Variants in TAFA4 observed in about 807,000 individuals in gnomAD.
The protein encoded by TAFA4 is chemokine-like protein TAFA-4.
A neutral mutation model predicts 21.1 loss-of-function variants in TAFA4; 20 were observed. The observed-to-expected ratio is 0.95, with a 90% confidence interval of 0.67 to 1.38. The LOEUF is 1.38. Ranked by LOEUF, TAFA4 falls within the 40% of genes most tolerant of loss-of-function variation. The pLI, the probability that TAFA4 is intolerant of heterozygous loss-of-function variation, is 0.00. For synonymous variants in TAFA4, 71 were observed against 67.4 expected (o/e 1.05, Z -0.26); for missense variants, 211 against 180.9 (o/e 1.17, Z -0.95).
intron 1 of TAFA4, among the ~76,000 whole-genome samples, chr3:68,902,063 T>C (rs1037451043): frequency 1.3e-5 from 2 of 152,208 alleles, no homozygotes; most frequent in South Asian, 2.1e-4. Flanking sequence ...ATATAAGAAC[T>C]CTGCTGTAAG....
chr3:68,775,003 T>C (rs1703023768), intron 3 of TAFA4, among the ~76,000 whole-genome samples: 1 of 152,208 alleles, frequency 6.6e-6, no homozygotes, highest in South Asian at 2.1e-4. Flanking sequence ...ATCTTAACTA[T>C]CTTTAGACCC....
At chr3:68,825,039 T>A (rs1704196777) in intron 3 of TAFA4, among the ~76,000 whole-genome samples, 1 of 152,206 alleles carries the variant, frequency 6.6e-6, no homozygotes, top group South Asian at 2.1e-4. Flanking sequence ...TAGGTAAACA[T>A]GTGCCATGGT....
chr3:68,865,386 G>A (rs2089402716), intron 3 of TAFA4, among the ~76,000 whole-genome samples: 1 of 151,922 alleles, frequency 6.6e-6, no homozygotes, highest in African/African-American at 2.4e-5. Context: ...GTCATGGGGA[G>A]GACCTGATGG....
At chr3:68,764,323 C>T (rs1014354915) in intron 3 of TAFA4, among the ~76,000 whole-genome samples, 1 of 152,090 alleles carries the variant, frequency 6.6e-6, no homozygotes, top group Non-Finnish European at 1.5e-5. Context: ...AACTGAATTG[C>T]CAGAGGTCCA....
intron 3 of TAFA4, among the ~76,000 whole-genome samples, chr3:68,795,178 C>T (rs1703432285): frequency 6.6e-6 from 1 of 151,438 alleles, no homozygotes; most frequent in South Asian, 2.1e-4. Context: ...AGGAAAGACT[C>T]AAAGAGGTGA....
chr3:68,739,549 T>G (rs1405920253), intron 4 of TAFA4, among the ~76,000 whole-genome samples: 1 of 152,098 alleles, frequency 6.6e-6, no homozygotes, highest in Non-Finnish European at 1.5e-5. Flanking sequence ...AAAGAGACTG[T>G]TATATCAAAA....
intron 3 of TAFA4, among the ~76,000 whole-genome samples, chr3:68,806,009 T>A (rs1295558053): frequency 6.6e-6 from 1 of 151,766 alleles, no homozygotes; most frequent in African/African-American, 2.4e-5. Context: ...AAAATTAAAA[T>A]AAAAAAATAA....
At position 68,809,445 on chromosome 3, in the gene TAFA4, A is replaced by AT. The variant is rs541006171; in HGVS notation, c.131-56428dup. On this transcript the variant is annotated intron_variant, in intron 3 of 5. Coordinates refer to ENST00000295569, the MANE Select transcript of TAFA4 (RefSeq NM_182522.5). Reference sequence around the variant, plus strand: ...TGGTTGCCAATATGATTTGTTTGTGATTTTTTTTAGTTTTGAAATATGCAA... The same window carrying AT: ...TGGTTGCCAATATGATTTGTTTGTGATTTTTTTTTAGTTTTGAAATATGCAA... 5.3e-5 allele frequency among the ~76,000 whole-genome samples: 8 copies of AT among 151,310 alleles called. No individual in the cohort carries two copies. In the East Asian group the frequency reaches 5.8e-4, roughly 11 times the overall value.
chr3:68,869,507 A>G (rs138455440), intron 3 of TAFA4, among the ~76,000 whole-genome samples: 16 of 152,200 alleles, frequency 1.1e-4, no homozygotes, highest in African/African-American at 3.9e-4. Context: ...AAGATCATTC[A>G]CCATGATCAA....
intron 1 of TAFA4, among the ~76,000 whole-genome samples, chr3:68,931,119 T>C (rs182470362): frequency 6.6e-6 from 1 of 152,282 alleles, no homozygotes; most frequent in Non-Finnish European, 1.5e-5. Context: ...ATGCCAAGGA[T>C]ATTAGAGACA....
intron 3 of TAFA4, among the ~76,000 whole-genome samples, chr3:68,874,398 C>T (rs1248741291): frequency 6.6e-6 from 1 of 152,066 alleles, no homozygotes; most frequent in African/African-American, 2.4e-5. Context: ...CGTCATTTTT[C>T]TTCCTGCCCC....
At chr3:68,862,596 C>T (rs1047108039) in intron 3 of TAFA4, among the ~76,000 whole-genome samples, 1 of 152,192 alleles carries the variant, frequency 6.6e-6, no homozygotes, top group East Asian at 1.9e-4. Context: ...GAACTACAAA[C>T]GTATTTCCAA....
intron 4 of TAFA4, among the ~76,000 whole-genome samples, chr3:68,743,802 C>T (rs538206071): frequency 6.6e-6 from 1 of 152,160 alleles, no homozygotes; most frequent in East Asian, 1.9e-4. Context: ...GAGGGTGGTA[C>T]TAGAATCTAG....
intron 1 of TAFA4, among the ~76,000 whole-genome samples, chr3:68,887,774 G>T (rs1476671621): frequency 2.6e-5 from 4 of 152,058 alleles, no homozygotes; most frequent in African/African-American, 4.8e-5. Context: ...AGGTCCCACA[G>T]GTACCCCTCT....
chr3:68,810,985 ACAATCAGG>A (rs1229163575), intron 3 of TAFA4, among the ~76,000 whole-genome samples: 1 of 152,182 alleles, frequency 6.6e-6, no homozygotes, highest in Non-Finnish European at 1.5e-5. Flanking sequence ...TTCCAGAGGA[ACAATCAGG>A]CTGCAACATT....
intron 5 of TAFA4, among the ~76,000 whole-genome samples, chr3:68,734,146 C>T (rs1447766335): frequency 6.6e-6 from 1 of 152,152 alleles, no homozygotes; most frequent in East Asian, 1.9e-4. Context: ...TGCTTTGTTC[C>T]AGACTTTATG....
chr3:68,883,331 C>T (rs1222707440), intron 2 of TAFA4, among the ~76,000 whole-genome samples: 1 of 152,228 alleles, frequency 6.6e-6, no homozygotes, highest in Non-Finnish European at 1.5e-5. Context: ...TGCACGTGCT[C>T]CTTCATGGTT....
At chr3:68,859,125 T>G (rs1019242510) in intron 3 of TAFA4, among the ~76,000 whole-genome samples, 1 of 152,114 alleles carries the variant, frequency 6.6e-6, no homozygotes, top group African/African-American at 2.4e-5. Context: ...TTTCACACAA[T>G]GCAACCAATT....
chr3:68,759,532 C>G (rs570265521), intron 3 of TAFA4, among the ~76,000 whole-genome samples: 1 of 152,046 alleles, frequency 6.6e-6, no homozygotes, highest in Non-Finnish European at 1.5e-5. Flanking sequence ...AAGCCTGGTA[C>G]CAGAGAGTGG....
Sources: allele counts gnomAD v4.1 joint callset (sites outside exome capture counted in the v4.1 genomes callset), GRCh38; gene constraint gnomAD v4.1.1; transcripts MANE v1.5; gene names NCBI Gene and HGNC (gene_info 2026-07-23, HGNC 2026-07-21).